The following LRRC4C variants were observed in gnomAD, a reference collection of about 807,000 sequenced individuals.
LRRC4C encodes the protein leucine-rich repeat-containing protein 4C.
LRRC4C carries 5 observed loss-of-function variants against 33.6 expected under a neutral mutation model. The ratio of observed to expected loss-of-function variants is 0.15; its 90% CI spans 0.08 to 0.31. The LOEUF is 0.31. LRRC4C is among the 10% of genes least tolerant of loss of function. The probability of loss-of-function intolerance (pLI) is 1.00; values close to 1 mark genes in which losing one functional copy is unlikely to be tolerated. For missense variants in LRRC4C, 560 were observed against 796.7 expected, an observed-to-expected ratio of 0.70 and a Z score of 3.58; for synonymous variants, 329 against 302.0, an observed-to-expected ratio of 1.09 and a Z score of -0.93.
intron 6 of LRRC4C, among the ~76,000 whole-genome samples, chr11:40,127,669 C>T (rs1339691777): frequency 6.6e-6 from 1 of 152,096 alleles, no homozygotes; most frequent in Non-Finnish European, 1.5e-5. Context: ...ATCGACGTCC[C>T]TAGTATTGCT....
At chr11:40,649,195 G>A (rs1942640184) in intron 2 of LRRC4C, among the ~76,000 whole-genome samples, 1 of 152,084 alleles carries the variant, frequency 6.6e-6, no homozygotes, top group African/African-American at 2.4e-5. Flanking sequence ...TTACCAGGCT[G>A]GAATTTCCCA....
rs554647291 is a variant in LRRC4C at position 41,451,376 on chromosome 11, T to C, written c.-496+8055A>G. 7.4e-5 allele frequency among the ~76,000 whole-genome samples: 11 copies of C among 149,084 alleles called. No individual in the cohort carries two copies. In the East Asian group the frequency reaches 1.9e-3, roughly 26 times the overall value. The stretch of plus-strand genomic sequence containing the variant: ...TAGATATAGATATAGATATAGATTT[T>C]GTGTGTGTGTGTGTGTATGTGTATT... On this transcript the variant is annotated intron_variant, in intron 1 of 6. Transcript: ENST00000528697.
At chr11:40,300,459 T>C (rs1198674546) in intron 4 of LRRC4C, among the ~76,000 whole-genome samples, 4 of 152,214 alleles carry the variant, frequency 2.6e-5, no homozygotes, top group Non-Finnish European at 4.4e-5. Flanking sequence ...AGTTAAAGCT[T>C]AACTAACTTA....
chr11:40,511,097 A>G (rs1955293061), intron 3 of LRRC4C, among the ~76,000 whole-genome samples: 1 of 152,126 alleles, frequency 6.6e-6, no homozygotes, highest in Admixed American at 6.5e-5. Context: ...TTAAATAATA[A>G]AGGTTATAAG....
intron 5 of LRRC4C, among the ~76,000 whole-genome samples, chr11:40,167,980 G>A (rs1590598391): frequency 6.6e-6 from 1 of 152,222 alleles, no homozygotes. Flanking sequence ...GGAGGCGGAG[G>A]TTGCAGTGAG....
chr11:41,355,795 T>A (rs947856297), intron 1 of LRRC4C, among the ~76,000 whole-genome samples: 15 of 152,108 alleles, frequency 9.9e-5, no homozygotes, highest in African/African-American at 3.6e-4. Flanking sequence ...AGATAATTCA[T>A]GTTTTTTTAA....
chr11:40,168,146 T>C (rs1859756139), intron 5 of LRRC4C, among the ~76,000 whole-genome samples: 2 of 152,100 alleles, frequency 1.3e-5, no homozygotes, highest in Non-Finnish European at 1.5e-5. Flanking sequence ...GGGAACATAA[T>C]TGGAGATAAA....
chr11:41,420,172 C>A (rs188183095), intron 1 of LRRC4C, among the ~76,000 whole-genome samples: 9 of 152,000 alleles, frequency 5.9e-5, no homozygotes, highest in Admixed American at 5.2e-4. Context: ...CTTTTTCTCA[C>A]AACCTTCCAA....
At chr11:40,306,213 T>C (rs981117589) in intron 4 of LRRC4C, among the ~76,000 whole-genome samples, 7 of 152,344 alleles carry the variant, frequency 4.6e-5, no homozygotes, top group Middle Eastern at 3.4e-3. Flanking sequence ...ATCTTTCCTA[T>C]AAAGATTTAG....
chr11:40,295,795 G>A (rs931683953), intron 4 of LRRC4C, among the ~76,000 whole-genome samples: 1 of 152,144 alleles, frequency 6.6e-6, no homozygotes, highest in Non-Finnish European at 1.5e-5. Context: ...AGGGTTAATG[G>A]CATTGCTTCT....
At chr11:40,610,428 G>A (rs1961092054) in intron 3 of LRRC4C, among the ~76,000 whole-genome samples, 1 of 151,748 alleles carries the variant, frequency 6.6e-6, no homozygotes, top group Admixed American at 6.6e-5. Context: ...ATAGTATGAG[G>A]TGAAAGAAGG....
At chr11:41,261,016 T>A (rs2136731000) in intron 1 of LRRC4C, among the ~76,000 whole-genome samples, 1 of 152,278 alleles carries the variant, frequency 6.6e-6, no homozygotes, top group Non-Finnish European at 1.5e-5. Context: ...ATTATTATTT[T>A]GCCAGCATAA....
intron 3 of LRRC4C, among the ~76,000 whole-genome samples, chr11:40,480,470 G>A (rs75916525): frequency 0.014 from 2,186 of 152,006 alleles, 52 homozygotes; most frequent in African/African-American, 0.049. Flanking sequence ...CTAACACCAG[G>A]GCATACTTGA....
chr11:40,500,223 T>C (rs1413289089), intron 3 of LRRC4C, among the ~76,000 whole-genome samples: 4 of 147,460 alleles, frequency 2.7e-5, no homozygotes, highest in Non-Finnish European at 5.9e-5. Context: ...GGCATAAGAT[T>C]GTTAGAAGAA....
At chr11:41,442,458 CTTTTTTTTTTTTTTT>C (rs775679545) in intron 1 of LRRC4C, among the ~76,000 whole-genome samples, 2 of 84,070 alleles carry the variant, frequency 2.4e-5, no homozygotes, top group East Asian at 3.4e-4. Context: ...TTGCTTTTTT[CTTTTTTTTTTTTTTT>C]TTTTTTTTTT....
intron 3 of LRRC4C, among the ~76,000 whole-genome samples, chr11:40,441,955 G>A (rs1951415076): frequency 6.6e-6 from 1 of 152,076 alleles, no homozygotes; most frequent in Non-Finnish European, 1.5e-5. Flanking sequence ...CAGTTCAGGA[G>A]ATCGAGACCA....
chr11:41,456,975 T>G (rs953532812), intron 1 of LRRC4C, among the ~76,000 whole-genome samples: 7 of 152,224 alleles, frequency 4.6e-5, no homozygotes, highest in African/African-American at 1.7e-4. Flanking sequence ...CAGAAAATCC[T>G]GAGTTGGCCC....
At chr11:40,650,110 A>C (rs1160720583) in intron 2 of LRRC4C, among the ~76,000 whole-genome samples, 1 of 152,230 alleles carries the variant, frequency 6.6e-6, no homozygotes, top group Non-Finnish European at 1.5e-5. Flanking sequence ...ATTCCAAAAA[A>C]AATAGATAAT....
chr11:40,432,640 G>T (rs1950980831), intron 3 of LRRC4C, among the ~76,000 whole-genome samples: 1 of 152,152 alleles, frequency 6.6e-6, no homozygotes, highest in Non-Finnish European at 1.5e-5. Context: ...TTCTCTACAT[G>T]AATGTATGGA....
Sources: allele counts gnomAD v4.1 joint callset (sites outside exome capture counted in the v4.1 genomes callset), GRCh38; gene constraint gnomAD v4.1.1; transcripts MANE v1.5; gene names NCBI Gene and HGNC (gene_info 2026-07-23, HGNC 2026-07-21).